MLLT3: variants seen among roughly 807,000 people sequenced by gnomAD.
MLLT3 encodes protein AF-9.
In MLLT3, 4 loss-of-function variants were observed where a neutral mutation model predicts 53.2. The observed-to-expected ratio is 0.08, with a 90% confidence interval of 0.04 to 0.17. MLLT3 has a LOEUF of 0.17. Among genes scored for constraint, MLLT3 ranks in the 10% least tolerant of loss-of-function variants. MLLT3 has a pLI of 1.00. For synonymous variants in MLLT3, 283 were observed against 230.6 expected (o/e 1.23, Z -2.06); for missense variants, 569 against 684.0 (o/e 0.83, Z 1.87).
intron 4 of MLLT3, among the ~76,000 whole-genome samples, chr9:20,428,844 A>G (rs1823197445): frequency 6.6e-6 from 1 of 152,144 alleles, no homozygotes; most frequent in Admixed American, 6.6e-5. Context: ...ACAGATAAGA[A>G]TATATCATAA....
intron 5 of MLLT3, among the ~76,000 whole-genome samples, chr9:20,371,828 G>A (rs1289851480): frequency 6.6e-6 from 1 of 152,152 alleles, no homozygotes; most frequent in Non-Finnish European, 1.5e-5. Context: ...TAAGGCTATA[G>A]GTGCCATAGA....
chr9:20,583,232 G>A (rs1819848966), intron 2 of MLLT3, among the ~76,000 whole-genome samples: 2 of 152,236 alleles, frequency 1.3e-5, no homozygotes, highest in South Asian at 2.1e-4. Flanking sequence ...CATAGAGATC[G>A]TGCTGATACC....
intron 5 of MLLT3, among the ~76,000 whole-genome samples, chr9:20,369,267 A>G (rs1395535751): frequency 6.6e-6 from 1 of 152,174 alleles, no homozygotes; most frequent in Non-Finnish European, 1.5e-5. Flanking sequence ...GTGGAGATCC[A>G]GGCATTTTTA....
chr9:20,622,097 C>A, intron 1 of MLLT3, 148 bp downstream of exon 1: 1 of 924,898 alleles, frequency 1.1e-6, no homozygotes, highest in East Asian at 3.0e-5. Flanking sequence ...GGAGCGGAGG[C>A]TGAGGGAGAG....
At chr9:20,573,123 CT>C (rs11349024) in intron 2 of MLLT3, among the ~76,000 whole-genome samples, 108,999 of 144,580 alleles carry the variant, frequency 0.75, 41,567 homozygotes, top group Middle Eastern at 0.9. Flanking sequence ...AACAGGAGAA[CT>C]TTTTTTTTTT....
At chr9:20,537,285 A>G (rs955411214) in intron 2 of MLLT3, among the ~76,000 whole-genome samples, 3 of 152,258 alleles carry the variant, frequency 2.0e-5, no homozygotes, top group Non-Finnish European at 4.4e-5. Context: ...TGTATTCCAT[A>G]TAAGTGAAAA....
chr9:20,364,212 G>C (rs907922788), intron 6 of MLLT3, among the ~76,000 whole-genome samples: 2 of 152,052 alleles, frequency 1.3e-5, no homozygotes, highest in Non-Finnish European at 2.9e-5. Context: ...TACTTTTTAA[G>C]AAATTACTGG....
At chr9:20,452,096 C>G (rs909031670) in intron 3 of MLLT3, among the ~76,000 whole-genome samples, 1 of 152,152 alleles carries the variant, frequency 6.6e-6, no homozygotes, top group Non-Finnish European at 1.5e-5. Flanking sequence ...ATCTTTAATA[C>G]GTGGAATTAA....
chr9:20,471,202 G>A (rs1824383166), intron 2 of MLLT3, among the ~76,000 whole-genome samples: 1 of 151,958 alleles, frequency 6.6e-6, no homozygotes, highest in South Asian at 2.1e-4. Flanking sequence ...TGTGCTGGAT[G>A]CTTATATGAA....
chr9:20,600,726 AC>A (rs1194965321), intron 2 of MLLT3, among the ~76,000 whole-genome samples: 1 of 152,178 alleles, frequency 6.6e-6, no homozygotes, highest in Non-Finnish European at 1.5e-5. Flanking sequence ...GACTGCCTGA[AC>A]ACCCAATTAT....
intron 2 of MLLT3, among the ~76,000 whole-genome samples, chr9:20,569,633 A>G (rs2131162165): frequency 6.6e-6 from 1 of 152,318 alleles, no homozygotes; most frequent in South Asian, 2.1e-4. Context: ...AAACTTCAGC[A>G]AACAAGCACT....
At chr9:20,400,780 C>T (rs1486814770) in intron 5 of MLLT3, among the ~76,000 whole-genome samples, 1 of 151,856 alleles carries the variant, frequency 6.6e-6, no homozygotes, top group Admixed American at 6.6e-5. Flanking sequence ...TTAGTCCATA[C>T]AAGTGCTGCA....
At position 20,591,676 on chromosome 9, in the gene MLLT3, G is replaced by T. The variant is rs182892173; in HGVS notation, c.193+28978C>A. On this transcript the variant is annotated intron_variant, in intron 2 of 10. Coordinates refer to ENST00000380338, the MANE Select transcript of MLLT3 (RefSeq NM_004529.4). ...TGCAAACTGTGAACTCACCATTTAGGGAGCATCTTGAATATGAAATATTTC... is the reference window on the plus strand; with the variant it reads ...TGCAAACTGTGAACTCACCATTTAGTGAGCATCTTGAATATGAAATATTTC... 1.8e-3 allele frequency among the ~76,000 whole-genome samples: 276 copies of T among 152,180 alleles called. 1 individual carries two copies. Among genetic ancestry groups the T allele is most frequent in the Non-Finnish European group, 3.3e-3 (223 of 68,008 alleles).
intron 2 of MLLT3, among the ~76,000 whole-genome samples, chr9:20,580,169 A>G (rs1416783954): frequency 6.6e-6 from 1 of 152,184 alleles, no homozygotes; most frequent in Non-Finnish European, 1.5e-5. Context: ...TAATGGTCAT[A>G]AATGCAAATG....
At chr9:20,352,004 T>A (rs1390139029) in intron 10 of MLLT3, among the ~76,000 whole-genome samples, 1 of 152,162 alleles carries the variant, frequency 6.6e-6, no homozygotes, top group Non-Finnish European at 1.5e-5. Flanking sequence ...AGGTTAAAAA[T>A]TCACAGATAT....
chr9:20,409,886 C>A (rs1175555972), intron 5 of MLLT3, among the ~76,000 whole-genome samples: 3 of 152,106 alleles, frequency 2.0e-5, no homozygotes, highest in Non-Finnish European at 4.4e-5. Flanking sequence ...TAAATCATTT[C>A]TTAGGATATT....
chr9:20,346,435 T>C lies in MLLT3; in HGVS notation c.*8A>G. The C allele has an allele frequency of 6.2e-7, 1 of 1,603,440 alleles. No homozygotes were observed. The highest frequency in any genetic ancestry group is 8.5e-7 in the Non-Finnish European group (1 of 1,176,712). The stretch of plus-strand genomic sequence containing the variant: ...CAATAGTTCTTGATGCATCCAGTTG[T>C]TATATCCTCAGGATGTTCCAGATGT... On this transcript the variant is annotated 3_prime_UTR_variant, in exon 11 of 11. Transcript: ENST00000380338.
intron 2 of MLLT3, among the ~76,000 whole-genome samples, chr9:20,479,536 C>A (rs1408239331): frequency 6.6e-6 from 1 of 152,032 alleles, no homozygotes; most frequent in African/African-American, 2.4e-5. Flanking sequence ...GCAAGCTGTT[C>A]AGAGGAGAAA....
intron 2 of MLLT3, among the ~76,000 whole-genome samples, chr9:20,542,186 C>G (rs372325949): frequency 6.6e-6 from 1 of 151,424 alleles, no homozygotes. Context: ...TCTCCTCATA[C>G]ATTCCCATCA....
Sources: allele counts gnomAD v4.1 joint callset (sites outside exome capture counted in the v4.1 genomes callset), GRCh38; gene constraint gnomAD v4.1.1; transcripts MANE v1.5; gene names NCBI Gene and HGNC (gene_info 2026-07-23, HGNC 2026-07-21).